The following ZSCAN25 variants were observed in gnomAD, a reference collection of about 807,000 sequenced individuals.
The protein encoded by ZSCAN25 is zinc finger and SCAN domain containing 25, also known as zinc finger and SCAN domain-containing protein 25.
Under a neutral mutation model 38.7 loss-of-function variants are expected in ZSCAN25, and 27 were observed. That is an observed-to-expected ratio of 0.70 (90% CI 0.51 to 0.96). The LOEUF is 0.96. ZSCAN25 is among the 40% of genes least tolerant of loss of function. The pLI is 0.00. For synonymous variants in ZSCAN25, 273 were observed against 277.7 expected (o/e 0.98, Z 0.17); for missense variants, 637 against 705.9 (o/e 0.90, Z 1.11).
downstream of ZSCAN25, among the ~76,000 whole-genome samples, chr7:99,633,469 CTCTT>C (rs943723405): frequency 4.6e-5 from 7 of 152,332 alleles, no homozygotes; most frequent in African/African-American, 1.7e-4. Flanking sequence ...CTTGATCCTC[CTCTT>C]TATTTGCCTG....
chr7:99,715,859 C>G, the ZSCAN25 span: 2 of 1,613,858 alleles, frequency 1.2e-6, no homozygotes, highest in African/African-American at 1.3e-5. Context: ...GATGCTCACT[C>G]CAAATGATGT....
chr7:99,650,511 C>G, the ZSCAN25 span, among the ~76,000 whole-genome samples: 1 of 152,140 alleles, frequency 6.6e-6, no homozygotes, highest in Non-Finnish European at 1.5e-5. Flanking sequence ...AAATTATATT[C>G]AGGGTGGTGA....
the ZSCAN25 span, among the ~76,000 whole-genome samples, chr7:99,640,739 T>C: frequency 6.6e-6 from 1 of 152,110 alleles, no homozygotes; most frequent in African/African-American, 2.4e-5. Context: ...AGGATCAATA[T>C]GTTTTGATAA....
intron 6 of ZSCAN25, 94 bp downstream of exon 6, chr7:99,622,734 C>A: frequency 8.3e-7 from 1 of 1,202,490 alleles, no homozygotes; most frequent in East Asian, 2.4e-5. Flanking sequence ...GTTCCCTTCC[C>A]GCCCCAAGTT....
chr7:99,681,237 G>C, the ZSCAN25 span, among the ~76,000 whole-genome samples: 1 of 152,160 alleles, frequency 6.6e-6, no homozygotes, highest in Non-Finnish European at 1.5e-5. Context: ...CCAAATCTTG[G>C]CATTTGTGAA....
chr7:99,722,089 G>T, the ZSCAN25 span, among the ~76,000 whole-genome samples: 2 of 152,074 alleles, frequency 1.3e-5, no homozygotes, highest in Admixed American at 6.5e-5. Context: ...CCCTGAATTT[G>T]CACATAGCTT....
the ZSCAN25 span, chr7:99,705,328 T>C: frequency 1.4e-6 from 1 of 729,386 alleles, no homozygotes; most frequent in Non-Finnish European, 2.2e-6. Context: ...AGTATAACAC[T>C]CTATACAGAC....
the ZSCAN25 span, among the ~76,000 whole-genome samples, chr7:99,677,953 G>C: frequency 6.6e-6 from 1 of 152,236 alleles, no homozygotes; most frequent in East Asian, 1.9e-4. Context: ...GGCAGATGCT[G>C]TGCTGGGCGA....
the ZSCAN25 span, among the ~76,000 whole-genome samples, chr7:99,639,619 C>A: frequency 6.7e-4 from 102 of 152,272 alleles, 1 homozygote; most frequent in African/African-American, 2.3e-3. Context: ...GCTCTTTACT[C>A]CATAATAGGA....
At chr7:99,624,535 T>A in intron 7 of ZSCAN25, 1 of 253,246 alleles carries the variant, frequency 3.9e-6, no homozygotes, top group Non-Finnish European at 7.9e-6. Context: ...TATTGAGTGC[T>A]CCCTGCATGT....
At chr7:99,690,697 C>T in the ZSCAN25 span, among the ~76,000 whole-genome samples, 1 of 152,050 alleles carries the variant, frequency 6.6e-6, no homozygotes, top group Non-Finnish European at 1.5e-5. Context: ...AAAAAATGCT[C>T]ATCATCACTG....
At chr7:99,633,294 T>A (rs552977948), downstream of ZSCAN25, among the ~76,000 whole-genome samples, 12 of 152,362 alleles carry the variant, frequency 7.9e-5, no homozygotes, top group African/African-American at 2.9e-4. Context: ...TTATAGATTG[T>A]GACATGCCCT....
chr7:99,628,955 A>C (rs1807731881), intron 7 of ZSCAN25, among the ~76,000 whole-genome samples: 1 of 152,186 alleles, frequency 6.6e-6, no homozygotes. Context: ...GTAAGAAGTA[A>C]AGGTCTAGAT....
chr7:99,685,357 A>G, the ZSCAN25 span: 2 of 1,323,632 alleles, frequency 1.5e-6, no homozygotes, highest in South Asian at 1.2e-5. Flanking sequence ...ATTACAAACT[A>G]TGTGGAAATT....
rs1481753808 is a variant in ZSCAN25 at position 99,621,388 on chromosome 7, C to T, written c.403C>T (p.Gln135Ter). ...CTGTTCTTAGGTTCCATGCCACAGG[C>T]AGGGAGAGCAGGAGGAAACAGCACT... ...LEAKAVPCHR[Q>*]GEQEETALCR... Residue 135 changes from glutamine to a stop codon, truncating the protein, a stop_gained, in exon 5 of 8, where the codon CAG (glutamine) becomes TAG (stop). Transcript: ENST00000394152. LOFTEE classifies it high-confidence loss of function. 7.0e-7 allele frequency: 1 copy of T among 1,433,648 alleles called. No homozygotes were observed. The highest frequency in any genetic ancestry group is 9.3e-7 in the Non-Finnish European group (1 of 1,078,688). 88.8% of individuals were successfully genotyped at this position (1,433,648 alleles called of 1,614,324 possible). A position where few individuals can be genotyped will look rare whatever the true frequency, so the allele number is the denominator to read the frequency against.
the ZSCAN25 span, chr7:99,717,231 A>C: frequency 6.2e-7 from 1 of 1,613,924 alleles, no homozygotes; most frequent in Non-Finnish European, 8.5e-7. Context: ...ATTTCTCACC[A>C]ACACATCTCC....
the ZSCAN25 span, chr7:99,710,794 C>T: frequency 1.9e-6 from 3 of 1,613,870 alleles, no homozygotes; most frequent in Non-Finnish European, 2.5e-6. Flanking sequence ...GGGTGAGTGG[C>T]CAGTTCATAT....
At chr7:99,621,251 C>A in intron 4 of ZSCAN25, 122 bp from the exon 5 acceptor site, 1 of 893,576 alleles carries the variant, frequency 1.1e-6, no homozygotes, top group Non-Finnish European at 1.5e-6. Context: ...CTGATTTTTC[C>A]TTCCTCTCCC....
chr7:99,676,190 A>G, the ZSCAN25 span: 5 of 1,613,594 alleles, frequency 3.1e-6, no homozygotes, highest in South Asian at 4.4e-5. Flanking sequence ...TAAAAAGTCC[A>G]TGTGTACGGG....
Sources: allele counts gnomAD v4.1 joint callset (sites outside exome capture counted in the v4.1 genomes callset), GRCh38; gene constraint gnomAD v4.1.1; transcripts MANE v1.5; gene names NCBI Gene and HGNC (gene_info 2026-07-23, HGNC 2026-07-21).